The following UBASH3B variants were observed in gnomAD, a reference collection of about 807,000 sequenced individuals.
UBASH3B encodes ubiquitin-associated and SH3 domain-containing protein B.
In UBASH3B, 37 loss-of-function variants were observed where a neutral mutation model predicts 83.4. The ratio of observed to expected loss-of-function variants is 0.44; its 90% CI spans 0.34 to 0.58. UBASH3B has a LOEUF of 0.58. Among genes scored for constraint, UBASH3B ranks in the 20% least tolerant of loss-of-function variants. The probability of loss-of-function intolerance (pLI) is 0.01; values close to 1 mark genes in which losing one functional copy is unlikely to be tolerated. For synonymous variants in UBASH3B, 304 were observed against 318.3 expected, an observed-to-expected ratio of 0.96 and a Z score of 0.48; for missense variants, 657 against 827.2, an observed-to-expected ratio of 0.79 and a Z score of 2.52.
At chr11:122,789,489 C>T (rs1043526780) in intron 6 of UBASH3B, among the ~76,000 whole-genome samples, 181 bp downstream of exon 6, 15 of 152,204 alleles carry the variant, frequency 9.9e-5, no homozygotes, top group Non-Finnish European at 1.6e-4. Context: ...CTCTGCTTCC[C>T]TCTGCCTGCC....
At chr11:122,746,866 G>C (rs907444337) in intron 1 of UBASH3B, among the ~76,000 whole-genome samples, 17 of 152,214 alleles carry the variant, frequency 1.1e-4, no homozygotes, top group African/African-American at 4.1e-4. Context: ...TGTGGGAGGG[G>C]CCGTGAGGGG....
At chr11:122,675,176 G>C (rs1863651702) in intron 1 of UBASH3B, among the ~76,000 whole-genome samples, 7 of 152,174 alleles carry the variant, frequency 4.6e-5, no homozygotes. Context: ...TGGTGCCTCG[G>C]TTTCTGCTTT....
At chr11:122,768,470 A>ATGTATGTG (rs1555144495) in intron 1 of UBASH3B, among the ~76,000 whole-genome samples, 3 of 140,076 alleles carry the variant, frequency 2.1e-5, no homozygotes, top group African/African-American at 8.2e-5. Context: ...ATATATATGT[A>ATGTATGTG]TGTGTGTGTG....
chr11:122,768,508 G>GTGTGTGTA (rs557159523), intron 1 of UBASH3B, among the ~76,000 whole-genome samples: 7,184 of 134,160 alleles, frequency 0.054, 215 homozygotes, highest in Non-Finnish European at 0.061. Context: ...GTGTGTGTGT[G>GTGTGTGTA]TATATATATA....
intron 1 of UBASH3B, among the ~76,000 whole-genome samples, chr11:122,721,194 A>G (rs557430514): frequency 2.4e-4 from 36 of 148,126 alleles, no homozygotes; most frequent in Admixed American, 7.5e-4. Context: ...GCAGTGAGCC[A>G]AGATCGCGGC....
intron 5 of UBASH3B, 113 bp from the exon 6 acceptor site, chr11:122,788,987 C>T: frequency 2.1e-6 from 2 of 973,134 alleles, no homozygotes; most frequent in Non-Finnish European, 3.2e-6. Context: ...GGCTCCTGGG[C>T]ACATCGCCCT....
rs1188326010 is a variant in UBASH3B at position 122,796,248 on chromosome 11, C to T, written c.1206C>T (p.Tyr402=). The T allele has an allele frequency of 1.2e-6, 2 of 1,614,148 alleles. No individual in the cohort carries two copies. The highest frequency in any genetic ancestry group is 1.1e-5 in the South Asian group (1 of 91,086). ...GERMDVVFGK[Y]WLSQCFDAKG... is the part of the protein sequence containing the mutation. The stretch of plus-strand genomic sequence containing the variant: ...GGATGGATGTTGTGTTTGGGAAGTA[C>T]TGGCTGTCCCAGTGCTTCGATGCCA... The change falls in exon 8 of 14, where the codon TAC becomes TAT. Residue 402 remains tyrosine, a synonymous_variant. Transcript: ENST00000284273.
chr11:122,718,332 A>G (rs1860561579), intron 1 of UBASH3B, among the ~76,000 whole-genome samples: 1 of 152,258 alleles, frequency 6.6e-6, no homozygotes, highest in Admixed American at 6.5e-5. Flanking sequence ...TACTTAACAT[A>G]GAGCCCTGGC....
At chr11:122,740,368 TTC>T (rs1361002393) in intron 1 of UBASH3B, among the ~76,000 whole-genome samples, 1 of 152,174 alleles carries the variant, frequency 6.6e-6, no homozygotes, top group Non-Finnish European at 1.5e-5. Flanking sequence ...CCTGACATGT[TTC>T]CTGATGAAAG....
chr11:122,732,209 C>A (rs1392850315), intron 1 of UBASH3B, among the ~76,000 whole-genome samples: 1 of 152,070 alleles, frequency 6.6e-6, no homozygotes, highest in African/African-American at 2.4e-5. Context: ...TCCTGGTACC[C>A]CCACAGAAGC....
chr11:122,674,782 G>A (rs1274276074), intron 1 of UBASH3B, among the ~76,000 whole-genome samples: 2 of 145,990 alleles, frequency 1.4e-5, no homozygotes, highest in Non-Finnish European at 1.5e-5. Flanking sequence ...AGGCTGGAGT[G>A]CAGTGGCACA....
At chr11:122,749,188 T>C (rs1317203467) in intron 1 of UBASH3B, among the ~76,000 whole-genome samples, 1 of 152,260 alleles carries the variant, frequency 6.6e-6, no homozygotes, top group African/African-American at 2.4e-5. Context: ...TCCCCTGAGA[T>C]ACAGCTGAAT....
At chr11:122,736,455 G>C (rs1860933637) in intron 1 of UBASH3B, among the ~76,000 whole-genome samples, 1 of 151,806 alleles carries the variant, frequency 6.6e-6, no homozygotes, top group African/African-American at 2.4e-5. Flanking sequence ...TTATGGAGGA[G>C]AGAGACAGAT....
intron 1 of UBASH3B, among the ~76,000 whole-genome samples, chr11:122,756,080 C>CACAT (rs141261853): frequency 0.34 from 51,707 of 151,796 alleles, 10,368 homozygotes; most frequent in Non-Finnish European, 0.44. Flanking sequence ...TAAGCATTAA[C>CACAT]ACGTGTTGGC....
chr11:122,730,577 C>CAAATA (rs1228101737), intron 1 of UBASH3B, among the ~76,000 whole-genome samples: 1 of 150,174 alleles, frequency 6.7e-6, no homozygotes, highest in African/African-American at 2.4e-5. Context: ...CGCTGTGATG[C>CAAATA]AAATATTTGG....
chr11:122,729,815 A>AAAAC (rs1860809031), intron 1 of UBASH3B, among the ~76,000 whole-genome samples: 4 of 145,638 alleles, frequency 2.7e-5, no homozygotes, highest in Admixed American at 1.4e-4. Flanking sequence ...AAAAAAAAAA[A>AAAAC]AAAACCCTAA....
intron 1 of UBASH3B, among the ~76,000 whole-genome samples, chr11:122,762,488 T>C (rs1327107573): frequency 1.3e-5 from 2 of 152,174 alleles, no homozygotes; most frequent in Non-Finnish European, 2.9e-5. Flanking sequence ...TCAGCAAAAA[T>C]GCACACCCTC....
At chr11:122,674,423 G>C (rs1304431124) in intron 1 of UBASH3B, among the ~76,000 whole-genome samples, 3 of 138,860 alleles carry the variant, frequency 2.2e-5, no homozygotes, top group Non-Finnish European at 4.5e-5. Context: ...CTCTGTTGCT[G>C]AGGCTGGAGT....
At chr11:122,776,363 GACCCT>G in intron 2 of UBASH3B, 91 bp downstream of exon 2, 2 of 1,217,444 alleles carry the variant, frequency 1.6e-6, no homozygotes, top group Non-Finnish European at 2.3e-6. Flanking sequence ...TTCTCTAATG[GACCCT>G]TCCAGAAGAG....
Sources: allele counts gnomAD v4.1 joint callset (sites outside exome capture counted in the v4.1 genomes callset), GRCh38; gene constraint gnomAD v4.1.1; transcripts MANE v1.5; gene names NCBI Gene and HGNC (gene_info 2026-07-23, HGNC 2026-07-21).